Variants in FRMD4A observed in about 807,000 individuals in gnomAD.
FRMD4A encodes FERM domain containing 4A, also known as FERM domain-containing protein 4A.
Under a neutral mutation model 129.1 loss-of-function variants are expected in FRMD4A, and 29 were observed. The ratio of observed to expected loss-of-function variants is 0.22; its 90% confidence interval spans 0.17 to 0.31. The LOEUF is 0.31. FRMD4A is among the 10% of genes least tolerant of loss of function. The pLI is 1.00. For missense variants in FRMD4A, 1,272 were observed against 1,375.8 expected, an observed-to-expected ratio of 0.92 and a Z score of 1.19; for synonymous variants, 634 against 571.6, an observed-to-expected ratio of 1.11 and a Z score of -1.56.
chr10:13,697,999 A>G (rs1369433685), intron 14 of FRMD4A, among the ~76,000 whole-genome samples: 1 of 149,986 alleles, frequency 6.7e-6, no homozygotes, highest in Non-Finnish European at 1.5e-5. Context: ...ATTCTGAAGG[A>G]GCTACAAATA....
At chr10:13,874,320 G>A (rs2094469303) in intron 2 of FRMD4A, among the ~76,000 whole-genome samples, 2 of 148,116 alleles carry the variant, frequency 1.4e-5, no homozygotes, top group South Asian at 4.3e-4. Flanking sequence ...TCTCAATCAA[G>A]AGGGAAATGA....
chr10:13,905,339 A>T (rs2131207319), intron 2 of FRMD4A, among the ~76,000 whole-genome samples: 1 of 152,292 alleles, frequency 6.6e-6, no homozygotes, highest in East Asian at 1.9e-4. Context: ...GTTGGCTCTT[A>T]GAGATCTAAG....
chr10:14,101,451 G>T (rs1943164402), intron 2 of FRMD4A, among the ~76,000 whole-genome samples: 2 of 152,158 alleles, frequency 1.3e-5, no homozygotes, highest in South Asian at 4.1e-4. Context: ...CTCACCATTG[G>T]CTGAAATTCC....
chr10:13,807,009 G>A (rs1463419690), intron 4 of FRMD4A, among the ~76,000 whole-genome samples: 3 of 152,008 alleles, frequency 2.0e-5, no homozygotes, highest in Admixed American at 6.6e-5. Flanking sequence ...GGGTTTCACC[G>A]TGTTAGCCAG....
At chr10:13,917,802 G>C (rs1028374608) in intron 2 of FRMD4A, among the ~76,000 whole-genome samples, 1 of 152,216 alleles carries the variant, frequency 6.6e-6, no homozygotes, top group Admixed American at 6.5e-5. Flanking sequence ...CAGGAAATCT[G>C]AGCCACAGTT....
chr10:13,799,189 G>A (rs976575731), intron 4 of FRMD4A, among the ~76,000 whole-genome samples: 2 of 152,172 alleles, frequency 1.3e-5, no homozygotes, highest in African/African-American at 4.8e-5. Flanking sequence ...ATGGAGTCTT[G>A]CTCTGTTGCC....
At chr10:13,937,373 A>C (rs1397320374) in intron 2 of FRMD4A, among the ~76,000 whole-genome samples, 1 of 152,226 alleles carries the variant, frequency 6.6e-6, no homozygotes, top group Admixed American at 6.5e-5. Context: ...CAACTTTATG[A>C]GCAGATACCT....
intron 2 of FRMD4A, among the ~76,000 whole-genome samples, chr10:14,044,261 A>G (rs1016935080): frequency 5.3e-5 from 8 of 151,960 alleles, no homozygotes; most frequent in African/African-American, 1.9e-4. Flanking sequence ...TTTGAGCTCT[A>G]TTGTTTTAGC....
intron 2 of FRMD4A, among the ~76,000 whole-genome samples, chr10:14,272,089 G>A (rs1046832826): frequency 2.0e-5 from 3 of 152,108 alleles, no homozygotes; most frequent in South Asian, 2.1e-4. Context: ...ACAGCAGCAT[G>A]AACAAATCCT....
At chr10:13,747,097 C>G (rs1234582378) in intron 9 of FRMD4A, among the ~76,000 whole-genome samples, 2 of 151,872 alleles carry the variant, frequency 1.3e-5, no homozygotes, top group Non-Finnish European at 2.9e-5. Context: ...CAAAATGAAA[C>G]TCTAGCAGCA....
chr10:13,959,907 C>T (rs975745961), intron 2 of FRMD4A, among the ~76,000 whole-genome samples: 15 of 152,280 alleles, frequency 9.9e-5, no homozygotes, highest in Non-Finnish European at 2.1e-4. Context: ...AGAGAGAACA[C>T]GAACCGCAGG....
At chr10:14,225,855 G>T (rs914554630) in intron 2 of FRMD4A, among the ~76,000 whole-genome samples, 1 of 152,176 alleles carries the variant, frequency 6.6e-6, no homozygotes, top group South Asian at 2.1e-4. Flanking sequence ...TCTAGATATT[G>T]TTGCTCAGAA....
chr10:13,693,022 CCTGG>C (rs2085863486), intron 15 of FRMD4A: 1 of 123,792 alleles, frequency 8.1e-6, no homozygotes, highest in Non-Finnish European at 1.7e-5. Flanking sequence ...TGCCACCACA[CCTGG>C]CTAATTAATT....
chr10:13,940,353 A>G (rs918636257), intron 2 of FRMD4A, among the ~76,000 whole-genome samples: 3 of 152,010 alleles, frequency 2.0e-5, no homozygotes, highest in African/African-American at 7.2e-5. Context: ...GAATATGTCA[A>G]CTGTTGCAGT....
chr10:14,121,690 C>A (rs1177314597), intron 2 of FRMD4A, among the ~76,000 whole-genome samples: 2 of 152,178 alleles, frequency 1.3e-5, no homozygotes, highest in Non-Finnish European at 2.9e-5. Context: ...ACTGGTCGGG[C>A]CTGAAAACCT....
intron 4 of FRMD4A, among the ~76,000 whole-genome samples, chr10:13,808,055 T>A (rs1342060879): frequency 2.6e-5 from 4 of 152,182 alleles, no homozygotes; most frequent in African/African-American, 9.7e-5. Context: ...CACCTCAGCC[T>A]CCCAAAGTGC....
intron 12 of FRMD4A, among the ~76,000 whole-genome samples, chr10:13,711,385 C>G (rs1194513130): frequency 6.6e-6 from 1 of 152,262 alleles, no homozygotes; most frequent in Non-Finnish European, 1.5e-5. Flanking sequence ...TGGGCTCTGA[C>G]TGAGCTGGTT....
chr10:13,742,390 C>G (rs1027828401), intron 9 of FRMD4A, among the ~76,000 whole-genome samples: 5 of 152,184 alleles, frequency 3.3e-5, no homozygotes, highest in African/African-American at 1.2e-4. Flanking sequence ...TGGTCTGGCC[C>G]CAGAGCCTTG....
At chr10:14,157,080 T>A (rs1160426981) in intron 2 of FRMD4A, among the ~76,000 whole-genome samples, 2 of 152,172 alleles carry the variant, frequency 1.3e-5, no homozygotes, top group Non-Finnish European at 2.9e-5. Context: ...GGGGTTCAGG[T>A]CTGAAAGCTG....
Sources: allele counts gnomAD v4.1 joint callset (sites outside exome capture counted in the v4.1 genomes callset), GRCh38; gene constraint gnomAD v4.1.1; transcripts MANE v1.5; gene names NCBI Gene and HGNC (gene_info 2026-07-23, HGNC 2026-07-21).